ZNF676: variants seen among roughly 807,000 people sequenced by gnomAD.
ZNF676 encodes zinc finger protein 676.
Under a neutral mutation model 6.0 loss-of-function variants are expected in ZNF676, and 4 were observed. The observed-to-expected ratio is 0.67, with a 90% CI of 0.33 to 1.53. The LOEUF is 1.53. Among genes scored for constraint, ZNF676 ranks in the 40% most tolerant of loss-of-function variants. The pLI is 0.06. For synonymous variants in ZNF676, 198 were observed against 223.1 expected (o/e 0.89, Z 1.00); for missense variants, 644 against 679.7 (o/e 0.95, Z 0.58).
upstream of ZNF676, chr19:22,215,795 T>C: frequency 3.0e-6 from 2 of 670,152 alleles, no homozygotes; most frequent in South Asian, 1.9e-5. Context: ...GAAGCCGACC[T>C]GTCCCCCCCC....
In ZNF676 at chr19:22,181,553, G is replaced by A. The variant is rs199670498; in HGVS notation, c.164C>T (p.Pro55Leu). ...GAAAGAATCTTCTATGCCTTGCTCTGGCCAAAACTCTTGGGAAAAATGAGA... is the reference window on the plus strand; with the variant it reads ...GAAAGAATCTTCTATGCCTTGCTCTAGCCAAAACTCTTGGGAAAAATGAGA... Reference protein sequence around the residue: ...ICSHFSQEFWPEQGIEDSFQK... With the variant: ...ICSHFSQEFWLEQGIEDSFQK... The change falls in exon 3 of 3, where the codon CCA becomes CTA. Residue 55 changes from proline to leucine, a missense_variant. Pro to Leu is a moderately conservative substitution (Grantham distance 98). This residue lies in a region of ZNF676 where 280 missense variants were observed against 269.3 expected (regional missense o/e 1.04). Transcript: ENST00000397121. 207 of 1,579,380 alleles carry A rather than the reference G, an allele frequency of 1.3e-4. 2 individuals are homozygous for A. The Middle Eastern group carries it at 1.7e-3, about 13-fold the overall frequency.
At chr19:22,201,731 C>CAAA (rs35526921), upstream of ZNF676, among the ~76,000 whole-genome samples, 13 of 76,230 alleles carry the variant, frequency 1.7e-4, no homozygotes, top group African/African-American at 3.0e-4. Context: ...TTTGTAAAGG[C>CAAA]AAAAAAAAAA....
the ZNF676 span, among the ~76,000 whole-genome samples, chr19:22,237,119 A>G: frequency 6.6e-6 from 1 of 152,218 alleles, no homozygotes; most frequent in African/African-American, 2.4e-5. Flanking sequence ...TGCTGGAATT[A>G]GTAGGTCTAA....
At chr19:22,252,703 C>T in the ZNF676 span, among the ~76,000 whole-genome samples, 1 of 150,524 alleles carries the variant, frequency 6.6e-6, no homozygotes. Context: ...AGCAATATGT[C>T]ACAATGGCCC....
the ZNF676 span, among the ~76,000 whole-genome samples, chr19:22,256,151 T>C: frequency 6.6e-6 from 1 of 152,194 alleles, no homozygotes; most frequent in African/African-American, 2.4e-5. Flanking sequence ...ACCCTGAATC[T>C]TACCAATTTT....
chr19:22,250,556 T>G, the ZNF676 span, among the ~76,000 whole-genome samples: 4 of 151,992 alleles, frequency 2.6e-5, no homozygotes, highest in Non-Finnish European at 5.9e-5. Context: ...GTACCCGAGA[T>G]TATAGGAACA....
chr19:22,252,632 T>C, the ZNF676 span, among the ~76,000 whole-genome samples: 2 of 152,184 alleles, frequency 1.3e-5, no homozygotes, highest in Admixed American at 6.5e-5. Flanking sequence ...AAAGGTATGT[T>C]ACAATGCCTT....
At position 22,180,546 on chromosome 19, in the gene ZNF676, T is replaced by C. The variant is rs1410384081; in HGVS notation, c.1171A>G (p.Lys391Glu). Residue 391 changes from lysine to glutamate, a missense_variant, in exon 3 of 3, where the codon AAG becomes GAG. Physicochemically the swap from Lys to Glu is moderately conservative, Grantham distance 56. Coordinates refer to ENST00000397121, the MANE Select transcript of ZNF676 (RefSeq NM_001001411.3). ...NTHKAIHAEE[K>E]PYKCEECGKA... ...CCACATTCTTCACATTTGTAGGGCTTCTCTTCAGCATGAATTGCCTTATGT... is the reference window on the plus strand; with the variant it reads ...CCACATTCTTCACATTTGTAGGGCTCCTCTTCAGCATGAATTGCCTTATGT... 1.2e-6 allele frequency: 2 copies of C among 1,612,648 alleles called. No individual in the cohort carries two copies. The highest frequency in any genetic ancestry group is 2.7e-5 in the African/African-American group (2 of 74,506).
At chr19:22,191,569 C>G (rs753001956) in intron 2 of ZNF676, among the ~76,000 whole-genome samples, 39 of 152,258 alleles carry the variant, frequency 2.6e-4, no homozygotes, top group Non-Finnish European at 1.3e-4. Flanking sequence ...CAGAAATCCT[C>G]TCTGGTACTC....
Position 22,179,730 on chromosome 19 carries a change from ATGT to A in ZNF676, c.*217_*219del. The stretch of plus-strand genomic sequence containing the variant: ...GTTTCTCTCCAGTATGAATTCTCTT[ATGT>A]TCCACAAGGTTTGAGGACCGGTTGA... On this transcript the variant is annotated 3_prime_UTR_variant, in exon 3 of 3. Transcript: ENST00000397121. 1.3e-6 allele frequency: 1 copy of A among 748,990 alleles called. No individual in the cohort carries two copies. Among genetic ancestry groups the A allele is most frequent in the South Asian group, 1.5e-5 (1 of 67,600 alleles). The allele number at this position is 748,990 out of a possible 1,614,324, so 46.4% of individuals were successfully genotyped here.
chr19:22,226,337 T>C, the ZNF676 span, among the ~76,000 whole-genome samples: 1 of 152,022 alleles, frequency 6.6e-6, no homozygotes, highest in East Asian at 1.9e-4. Flanking sequence ...AATGGGAAAG[T>C]TTATTACCTC....
intron 2 of ZNF676, among the ~76,000 whole-genome samples, chr19:22,187,035 A>G (rs2023848823): frequency 6.6e-6 from 1 of 152,224 alleles, no homozygotes; most frequent in Non-Finnish European, 1.5e-5. Context: ...ATAGACATCT[A>G]CAGGGCTCTA....
At chr19:22,235,005 A>G in the ZNF676 span, among the ~76,000 whole-genome samples, 19 of 121,876 alleles carry the variant, frequency 1.6e-4, 1 homozygote, top group Non-Finnish European at 3.4e-5. Context: ...AGAAAGAAAG[A>G]AAGAAAGAAA....
the ZNF676 span, among the ~76,000 whole-genome samples, chr19:22,234,992 GAAA>G: frequency 9.5e-6 from 1 of 104,946 alleles, no homozygotes; most frequent in South Asian, 3.7e-4. Flanking sequence ...AAGAAAGAAA[GAAA>G]GAAAGAAAGA....
chr19:22,226,013 G>A, the ZNF676 span, among the ~76,000 whole-genome samples: 1 of 151,742 alleles, frequency 6.6e-6, no homozygotes, highest in Non-Finnish European at 1.5e-5. Context: ...ATGATTCCAA[G>A]GCCAATGTCA....
the ZNF676 span, among the ~76,000 whole-genome samples, chr19:22,229,653 C>T: frequency 6.6e-6 from 1 of 152,004 alleles, no homozygotes; most frequent in African/African-American, 2.4e-5. Flanking sequence ...AACAAATTTA[C>T]AAGAGAAAAG....
the ZNF676 span, among the ~76,000 whole-genome samples, chr19:22,222,358 G>A: frequency 6.6e-5 from 10 of 152,032 alleles, no homozygotes; most frequent in African/African-American, 7.2e-5. Context: ...TGCCTGCCTC[G>A]GCCTCCCAGA....
At chr19:22,239,226 G>A in the ZNF676 span, among the ~76,000 whole-genome samples, 1 of 142,656 alleles carries the variant, frequency 7.0e-6, no homozygotes, top group Non-Finnish European at 1.5e-5. Context: ...TTTTGAGATG[G>A]AGTCTCGCTG....
chr19:22,183,215 A>C (rs1447211440), intron 2 of ZNF676, among the ~76,000 whole-genome samples: 2 of 152,180 alleles, frequency 1.3e-5, no homozygotes, highest in African/African-American at 4.8e-5. Context: ...AGAGAAAATG[A>C]GGGACAAGAT....
Sources: allele counts gnomAD v4.1 joint callset (sites outside exome capture counted in the v4.1 genomes callset), GRCh38; gene constraint gnomAD v4.1.1; regional missense constraint gnomAD v4.1.1; transcripts MANE v1.5; gene names NCBI Gene and HGNC (gene_info 2026-07-23, HGNC 2026-07-21).